The following ANKS1B variants were observed in gnomAD, a reference collection of about 807,000 sequenced individuals.
ANKS1B encodes the protein ankyrin repeat and sterile alpha motif domain containing 1B.
In ANKS1B, 36 loss-of-function variants were observed where a neutral mutation model predicts 148.3. That is an observed-to-expected ratio of 0.24 (90% CI 0.19 to 0.32). The LOEUF (loss-of-function observed/expected upper bound fraction) is 0.32, where lower values mean the gene tolerates loss of function less well. Ranked by LOEUF, ANKS1B falls within the 10% of genes least tolerant of loss-of-function variation. ANKS1B has a pLI of 1.00. For synonymous variants in ANKS1B, 542 were observed against 560.8 expected (o/e 0.97, Z 0.47); for missense variants, 1,157 against 1,542.6 (o/e 0.75, Z 4.19).
intron 1 of ANKS1B, among the ~76,000 whole-genome samples, chr12:99,833,270 G>C (rs923358000): frequency 3.9e-5 from 6 of 152,134 alleles, no homozygotes; most frequent in Non-Finnish European, 8.8e-5. Context: ...GAACTAAATG[G>C]CTTTCAGAAA....
intron 14 of ANKS1B, among the ~76,000 whole-genome samples, chr12:99,168,519 C>CAA (rs113434143): frequency 0.013 from 871 of 68,844 alleles, 9 homozygotes; most frequent in African/African-American, 0.044. Flanking sequence ...AACTCCATCT[C>CAA]AAAAAAAAAA....
chr12:98,849,669 CT>C (rs999948187), intron 17 of ANKS1B, among the ~76,000 whole-genome samples: 2 of 151,524 alleles, frequency 1.3e-5, no homozygotes, highest in South Asian at 2.1e-4. Context: ...TTTTCAAATA[CT>C]TTTTTTTTCT....
At chr12:99,974,553 A>G (rs1566119717) in intron 1 of ANKS1B, among the ~76,000 whole-genome samples, 2 of 152,112 alleles carry the variant, frequency 1.3e-5, no homozygotes, top group Non-Finnish European at 2.9e-5. Context: ...GTCTCCAGTC[A>G]AATCCCTTCC....
chr12:99,860,755 T>G (rs913198422), intron 1 of ANKS1B, among the ~76,000 whole-genome samples: 1 of 152,128 alleles, frequency 6.6e-6, no homozygotes, highest in African/African-American at 2.4e-5. Flanking sequence ...AACAAGATTT[T>G]AAAACAGAGA....
chr12:99,473,364 A>G (rs918100072), intron 10 of ANKS1B, among the ~76,000 whole-genome samples: 1 of 151,978 alleles, frequency 6.6e-6, no homozygotes, highest in African/African-American at 2.4e-5. Flanking sequence ...ATGAATAGAC[A>G]TTTTGTTTTT....
At chr12:99,046,714 G>C (rs1018825356) in intron 17 of ANKS1B, among the ~76,000 whole-genome samples, 27 of 151,810 alleles carry the variant, frequency 1.8e-4, no homozygotes, top group African/African-American at 6.5e-4. Flanking sequence ...CAGAAGAATG[G>C]TGTGAACCCA....
chr12:98,886,858 C>G (rs1391389860), intron 17 of ANKS1B, among the ~76,000 whole-genome samples: 1 of 152,058 alleles, frequency 6.6e-6, no homozygotes, highest in Non-Finnish European at 1.5e-5. Context: ...TGTTCGACTA[C>G]AAAAGCAATA....
chr12:99,886,611 G>C (rs939364586), intron 1 of ANKS1B, among the ~76,000 whole-genome samples: 1 of 151,992 alleles, frequency 6.6e-6, no homozygotes, highest in South Asian at 2.1e-4. Context: ...TCCATCAAAA[G>C]ATAACAAATA....
At chr12:99,640,464 G>A (rs1371804060) in intron 9 of ANKS1B, among the ~76,000 whole-genome samples, 1 of 152,142 alleles carries the variant, frequency 6.6e-6, no homozygotes, top group South Asian at 2.1e-4. Context: ...ATGGATAAAT[G>A]TCATTATTCT....
chr12:99,728,307 G>A lies in ANKS1B; in HGVS notation c.1128+44615C>T, dbSNP rs568951739. On this transcript the variant is annotated intron_variant, in intron 8 of 26. Coordinates refer to ENST00000683438, the MANE Select transcript of ANKS1B (RefSeq NM_001352186.2). ...GAAAAAAAAATCCCCATCAAAAAGC[G>A]GGCAAAGGATATGAACAGACACTTC... Among the ~76,000 whole-genome samples the A allele has an allele frequency of 5.9e-5, 9 of 152,116 alleles. No individual in the cohort carries two copies. The South Asian group carries it at 8.3e-4, about 14-fold the overall frequency.
At chr12:99,529,810 C>T (rs2096968885) in intron 9 of ANKS1B, among the ~76,000 whole-genome samples, 1 of 152,208 alleles carries the variant, frequency 6.6e-6, no homozygotes, top group South Asian at 2.1e-4. Context: ...AATCTCCAAA[C>T]TCCCATCTAA....
chr12:99,393,925 CA>C (rs1285903917), intron 12 of ANKS1B, among the ~76,000 whole-genome samples: 3 of 152,112 alleles, frequency 2.0e-5, no homozygotes, highest in Admixed American at 6.5e-5. Context: ...ACCAATTTAG[CA>C]AAACCACAAC....
chr12:99,474,107 A>G (rs976653008), intron 10 of ANKS1B, among the ~76,000 whole-genome samples: 2 of 152,050 alleles, frequency 1.3e-5, no homozygotes, highest in South Asian at 2.1e-4. Context: ...ATTGAATTCA[A>G]TGTGGTAATA....
intron 17 of ANKS1B, among the ~76,000 whole-genome samples, chr12:98,897,433 G>A (rs559770443): frequency 1.3e-5 from 2 of 151,484 alleles, no homozygotes; most frequent in African/African-American, 2.4e-5. Context: ...TTTCTCAAAC[G>A]AAGACATACA....
intron 14 of ANKS1B, among the ~76,000 whole-genome samples, chr12:99,193,793 CTTTTTTTTTTTTTT>C (rs34024548): frequency 1.0e-4 from 7 of 66,800 alleles, no homozygotes; most frequent in Non-Finnish European, 1.6e-4. Context: ...ATTTCTAGTT[CTTTTTTTTTTTTTT>C]TTTTTTTTTT....
intron 17 of ANKS1B, among the ~76,000 whole-genome samples, chr12:98,960,667 C>T (rs1040525150): frequency 3.9e-5 from 6 of 151,984 alleles, no homozygotes; most frequent in African/African-American, 1.5e-4. Context: ...AATAAATCAC[C>T]AGGGACCAAT....
intron 1 of ANKS1B, among the ~76,000 whole-genome samples, chr12:99,865,341 T>C (rs982334857): frequency 5.3e-5 from 8 of 152,190 alleles, no homozygotes; most frequent in African/African-American, 1.7e-4. Context: ...CCTTTATAGA[T>C]TGGCCCCCTG....
At chr12:99,085,159 G>T in intron 15 of ANKS1B, 136 bp from the exon 16 acceptor site, 3 of 712,516 alleles carry the variant, frequency 4.2e-6, no homozygotes, top group Non-Finnish European at 7.1e-6. Flanking sequence ...ATTCTTCCGT[G>T]AGGGTGAGGG....
chr12:99,116,143 T>A (rs2061369815), intron 15 of ANKS1B, among the ~76,000 whole-genome samples: 2 of 152,150 alleles, frequency 1.3e-5, no homozygotes, highest in Non-Finnish European at 2.9e-5. Context: ...AGTGCTAGGA[T>A]AATATCTGAC....
Sources: allele counts gnomAD v4.1 joint callset (sites outside exome capture counted in the v4.1 genomes callset), GRCh38; gene constraint gnomAD v4.1.1; transcripts MANE v1.5; gene names NCBI Gene and HGNC (gene_info 2026-07-23, HGNC 2026-07-21).